The following REL variants were observed in gnomAD, a reference collection of about 807,000 sequenced individuals.
REL encodes the protein REL proto-oncogene, NF-kB subunit, also known as proto-oncogene c-Rel.
In REL, 15 loss-of-function variants were observed where a neutral mutation model predicts 45.9. That is an observed-to-expected ratio of 0.33 (90% CI 0.22 to 0.50). REL has a LOEUF of 0.50. Among genes scored for constraint, REL ranks in the 20% least tolerant of loss-of-function variants. REL has a pLI of 0.98. For synonymous variants in REL, 239 were observed against 242.1 expected (o/e 0.99, Z 0.12); for missense variants, 601 against 715.2 (o/e 0.84, Z 1.82).
At chr2:60,904,185 G>A (rs527443867) in intron 4 of REL, among the ~76,000 whole-genome samples, 106 of 150,124 alleles carry the variant, frequency 7.1e-4, no homozygotes, top group Non-Finnish European at 1.6e-4. Flanking sequence ...GGGGGATCAC[G>A]AGATCAGGAG....
chr2:60,890,624 C>T (rs1424762140), intron 1 of REL, among the ~76,000 whole-genome samples: 1 of 152,082 alleles, frequency 6.6e-6, no homozygotes, highest in East Asian at 1.9e-4. Context: ...TTACCTTTTC[C>T]CCCACAATTT....
intron 4 of REL, among the ~76,000 whole-genome samples, chr2:60,914,694 C>T (rs1158203863): frequency 6.6e-6 from 1 of 152,122 alleles, no homozygotes; most frequent in Non-Finnish European, 1.5e-5. Context: ...TACTAATCTG[C>T]CTTCTGTCAC....
Position 60,925,665 on chromosome 2 carries a change from C to G in REL, c.*3130C>G, listed in dbSNP as rs1330105174. 9 of 192,114 alleles carry G rather than the reference C, an allele frequency of 4.7e-5. No homozygotes were observed. Among genetic ancestry groups the G allele is most frequent in the Non-Finnish European group, 9.7e-5 (9 of 92,512 alleles). The allele number at this position is 192,114 out of a possible 1,614,324, so 11.9% of individuals were successfully genotyped here. On this transcript the variant is annotated 3_prime_UTR_variant, in exon 10 of 10. Transcript: ENST00000394479. ...TGTTCAAAATGTGAACCCAGGATGT[C>G]TCTAGATGATGATGGATGATAGGTG... is the stretch of plus-strand genomic sequence containing the variant.
Position 60,922,722 on chromosome 2 carries a change from G to A in REL, c.*187G>A, listed in dbSNP as rs771059002. 35 of 1,206,498 alleles carry A rather than the reference G, an allele frequency of 2.9e-5. No individual in the cohort carries two copies. The highest frequency in any genetic ancestry group is 2.1e-4 in the Admixed American group (5 of 24,366). 74.7% of individuals were successfully genotyped at this position (1,206,498 alleles called of 1,614,324 possible). A position where few individuals can be genotyped will look rare whatever the true frequency, so the allele number is the denominator to read the frequency against. On this transcript the variant is annotated 3_prime_UTR_variant, in exon 10 of 10. Transcript: ENST00000394479. The stretch of plus-strand genomic sequence containing the variant: ...AGAAGCATACAACTTTGGACATAGC[G>A]AATACAAAATTGGAAGCTGTCATAA...
chr2:60,924,991 TTTG>T lies in REL; in HGVS notation c.*2457_*2459del. 1 of 205,670 alleles carries T rather than the reference TTTG, an allele frequency of 4.9e-6. No individual in the cohort carries two copies. Among genetic ancestry groups the T allele is most frequent in the Non-Finnish European group, 9.9e-6 (1 of 100,506 alleles). The allele number at this position is 205,670 out of a possible 1,614,324, so 12.7% of individuals were successfully genotyped here. On this transcript the variant is annotated 3_prime_UTR_variant, in exon 10 of 10. Coordinates refer to ENST00000394479, the MANE Select transcript of REL (RefSeq NM_001291746.2). Reference sequence around the variant, plus strand: ...ACTTTGCTTCAAAACGTAGTTATATTTTGGAGTTTTCATTTGATATATAATTAT... The same window carrying T: ...ACTTTGCTTCAAAACGTAGTTATATTGAGTTTTCATTTGATATATAATTAT...
intron 4 of REL, among the ~76,000 whole-genome samples, chr2:60,904,872 G>A (rs1313580057): frequency 2.6e-5 from 4 of 152,048 alleles, no homozygotes; most frequent in African/African-American, 9.7e-5. Flanking sequence ...CCTGAGCGAC[G>A]GAACAAGACC....
Position 60,922,662 on chromosome 2 carries a change from CT to C in REL, c.*128del. The stretch of plus-strand genomic sequence containing the variant: ...TATAATACTGACTGAGAATATAATA[CT>C]GTATTTGAGAATATAAAAAACTTTT... On this transcript the variant is annotated 3_prime_UTR_variant, in exon 10 of 10. Transcript: ENST00000394479. 7.5e-7 allele frequency: 1 copy of C among 1,335,234 alleles called. No individual in the cohort carries two copies. Among genetic ancestry groups the C allele is most frequent in the Non-Finnish European group, 9.6e-7 (1 of 1,042,176 alleles). 82.7% of individuals were successfully genotyped at this position (1,335,234 alleles called of 1,614,324 possible).
chr2:60,922,735 G>A lies in REL; in HGVS notation c.*200G>A. ...TTTGGACATAGCGAATACAAAATTG[G>A]AAGCTGTCATAAAAAGACAACTCAG... On this transcript the variant is annotated 3_prime_UTR_variant, in exon 10 of 10. Coordinates refer to ENST00000394479, the MANE Select transcript of REL (RefSeq NM_001291746.2). 1.7e-6 allele frequency: 2 copies of A among 1,184,332 alleles called. No individual in the cohort carries two copies. Among genetic ancestry groups the A allele is most frequent in the Non-Finnish European group, 2.1e-6 (2 of 956,116 alleles). 73.4% of individuals were successfully genotyped at this position (1,184,332 alleles called of 1,614,324 possible).
intron 2 of REL, among the ~76,000 whole-genome samples, chr2:60,892,816 G>A (rs559954878): frequency 1.5e-4 from 23 of 151,872 alleles, no homozygotes; most frequent in African/African-American, 5.3e-4. Context: ...GGGCAGTGGC[G>A]TGATCTCAGC....
At chr2:60,921,718 A>T in intron 9 of REL, 45 bp from the exon 10 acceptor site, 1 of 1,506,512 alleles carries the variant, frequency 6.6e-7, no homozygotes, top group African/African-American at 1.4e-5. Flanking sequence ...GCTTTTTATA[A>T]TTTTGTTCAT....
chr2:60,891,748 A>G lies in REL; in HGVS notation c.76A>G (p.Lys26Glu). Residue 26 changes from lysine to glutamate, a missense_variant, in exon 2 of 10, where the codon AAA (lysine) becomes GAA (glutamate). This residue lies in a region of REL where 241 missense variants were observed against 347.0 expected (regional missense o/e 0.69). Coordinates refer to ENST00000394479, the MANE Select transcript of REL (RefSeq NM_001291746.2). ...GCAGAGGGGAATGCGTTTTAGATAC[A>G]AATGTGAAGGGCGATCAGCAGGCAG... ...PRQRGMRFRY[K>E]CEGRSAGSIP... The G allele has an allele frequency of 6.2e-7, 1 of 1,614,132 alleles. No individual in the cohort carries two copies. The highest frequency in any genetic ancestry group is 8.5e-7 in the Non-Finnish European group (1 of 1,179,982).
intron 3 of REL, among the ~76,000 whole-genome samples, chr2:60,894,954 T>A (rs935423725): frequency 1.3e-5 from 2 of 151,274 alleles, no homozygotes; most frequent in African/African-American, 4.9e-5. Flanking sequence ...CCTCCTGGGT[T>A]CAAGCGATTC....
chr2:60,907,277 A>T (rs859779), intron 4 of REL, among the ~76,000 whole-genome samples: 152,187 of 152,220 alleles, frequency 1, 76,077 homozygotes, highest in Middle Eastern at 1. Context: ...TGTTTTTCCT[A>T]CACTAAATCA....
chr2:60,891,864 T>C (rs1465814072), intron 2 of REL, 39 bp downstream of exon 2: 1 of 1,553,870 alleles, frequency 6.4e-7, no homozygotes, highest in Non-Finnish European at 8.7e-7. Context: ...CACTATTAGT[T>C]GCTTCATATA....
intron 5 of REL, 131 bp from the exon 6 acceptor site, chr2:60,918,060 T>A (rs1674031981): frequency 1.7e-6 from 1 of 600,000 alleles, no homozygotes; most frequent in Non-Finnish European, 3.0e-6. Flanking sequence ...ATGATTAATG[T>A]ATTTAGTGTC....
intron 4 of REL, among the ~76,000 whole-genome samples, chr2:60,912,710 A>G (rs1673853622): frequency 6.6e-6 from 1 of 152,160 alleles, no homozygotes; most frequent in African/African-American, 2.4e-5. Context: ...GTCAATTTAA[A>G]TCTACATATT....
At chr2:60,913,307 G>A (rs1394905604) in intron 4 of REL, among the ~76,000 whole-genome samples, 1 of 151,858 alleles carries the variant, frequency 6.6e-6, no homozygotes, top group East Asian at 1.9e-4. Context: ...CCTCATATGT[G>A]TGGTTATTTA....
rs1674210677 is a variant in REL, at chr2:60,924,045, C to T, written c.*1510C>T. 8.6e-6 allele frequency: 2 copies of T among 232,216 alleles called. No individual in the cohort carries two copies. Among genetic ancestry groups the T allele is most frequent in the African/African-American group, 2.2e-5 (1 of 45,276 alleles). 14.4% of individuals were successfully genotyped at this position (232,216 alleles called of 1,614,324 possible). A position where few individuals can be genotyped will look rare whatever the true frequency, so the allele number is the denominator to read the frequency against. On this transcript the variant is annotated 3_prime_UTR_variant, in exon 10 of 10. Transcript: ENST00000394479. The stretch of plus-strand genomic sequence containing the variant: ...AGTGCTCCTCAAAGCATCAAGTATG[C>T]ACTTGCCTTGGACAGTCTGTACTTG...
intron 8 of REL, 183 bp from the exon 9 acceptor site, chr2:60,920,391 G>C: frequency 1.5e-6 from 1 of 651,122 alleles, no homozygotes; most frequent in Non-Finnish European, 2.8e-6. Context: ...AGTAGAAACA[G>C]GGTTTCGCCA....
Sources: gnomAD v4.1 joint callset for allele counts (sites outside exome capture counted in the v4.1 genomes callset) on GRCh38, gnomAD v4.1.1 for gene constraint, gnomAD v4.1.1 regional missense constraint, MANE v1.5 for transcripts, NCBI Gene and HGNC (gene_info 2026-07-23, HGNC 2026-07-21) for gene names.